Variants in GRID1 observed in about 807,000 individuals in gnomAD.
GRID1 encodes glutamate receptor ionotropic, delta-1.
Under a neutral mutation model 98.0 loss-of-function variants are expected in GRID1, and 28 were observed. That is an observed-to-expected ratio of 0.29 (90% CI 0.21 to 0.39). The LOEUF (loss-of-function observed/expected upper bound fraction) is 0.39. GRID1 is among the 10% of genes least tolerant of loss of function. The probability of loss-of-function intolerance (pLI) is 1.00; values close to 1 mark genes in which losing one functional copy is unlikely to be tolerated. For synonymous variants in GRID1, 553 were observed against 538.5 expected (o/e 1.03, Z -0.37); for missense variants, 1,111 against 1,340.5 (o/e 0.83, Z 2.67).
chr10:85,686,149 T>G (rs557675220), intron 12 of GRID1, among the ~76,000 whole-genome samples: 41 of 152,268 alleles, frequency 2.7e-4, no homozygotes, highest in African/African-American at 9.6e-4. Flanking sequence ...AAAAGTATTA[T>G]AGTGCACAGG....
At chr10:86,326,505 G>A (rs7076974) in intron 2 of GRID1, among the ~76,000 whole-genome samples, 25,000 of 152,160 alleles carry the variant, frequency 0.16, 2,155 homozygotes, top group South Asian at 0.23. Context: ...CTGAAAAATC[G>A]GAGGGAAACT....
chr10:86,119,586 C>A (rs908733719), intron 4 of GRID1, among the ~76,000 whole-genome samples: 3 of 152,068 alleles, frequency 2.0e-5, no homozygotes, highest in Non-Finnish European at 4.4e-5. Flanking sequence ...CTAAAATACT[C>A]CTCTAAAATG....
chr10:85,976,546 C>T (rs920461153), intron 4 of GRID1, among the ~76,000 whole-genome samples: 7 of 152,356 alleles, frequency 4.6e-5, no homozygotes, highest in African/African-American at 1.7e-4. Flanking sequence ...CAAGCCACTG[C>T]TTCCTTGTCT....
chr10:86,085,295 A>G, intron 4 of GRID1, among the ~76,000 whole-genome samples: 1 of 152,150 alleles, frequency 6.6e-6, no homozygotes, highest in East Asian at 1.9e-4. Context: ...GCCTGCCCAC[A>G]GGGGCTCTGC....
chr10:85,984,527 G>A (rs1842586298), intron 4 of GRID1, among the ~76,000 whole-genome samples: 1 of 152,182 alleles, frequency 6.6e-6, no homozygotes, highest in African/African-American at 2.4e-5. Flanking sequence ...GAATGGGCCT[G>A]TGTCCAGGAC....
At chr10:86,045,500 T>TAACAA in intron 4 of GRID1, among the ~76,000 whole-genome samples, 1 of 152,170 alleles carries the variant, frequency 6.6e-6, no homozygotes, top group South Asian at 2.1e-4. Context: ...ACGAGTCACG[T>TAACAA]CAGTCCTCAG....
At chr10:85,883,312 C>A (rs1231197886) in intron 5 of GRID1, among the ~76,000 whole-genome samples, 1 of 152,128 alleles carries the variant, frequency 6.6e-6, no homozygotes, top group Non-Finnish European at 1.5e-5. Context: ...ATTCCTTGCT[C>A]ATATTTTCCA....
At chr10:86,151,393 G>A (rs1845166960) in intron 3 of GRID1, among the ~76,000 whole-genome samples, 1 of 151,848 alleles carries the variant, frequency 6.6e-6, no homozygotes, top group Admixed American at 6.6e-5. Flanking sequence ...CTACTATAAA[G>A]GGCTCTGCTC....
chr10:85,688,236 A>G (rs1298929335), intron 12 of GRID1, among the ~76,000 whole-genome samples: 2 of 152,242 alleles, frequency 1.3e-5, no homozygotes, highest in Non-Finnish European at 2.9e-5. Context: ...AGGCTGTCAC[A>G]TCATTGCCTT....
chr10:85,705,790 T>A (rs1000164704), intron 12 of GRID1, among the ~76,000 whole-genome samples: 2 of 152,192 alleles, frequency 1.3e-5, no homozygotes, highest in East Asian at 3.9e-4. Context: ...ATCCCTGGGA[T>A]GCAAGGCTGG....
intron 4 of GRID1, among the ~76,000 whole-genome samples, chr10:86,050,861 AAAAC>A (rs1003608687): frequency 3.3e-5 from 5 of 151,716 alleles, no homozygotes; most frequent in South Asian, 2.1e-4. Context: ...CTCTAAAGGA[AAAAC>A]AAACAATCAC....
intron 4 of GRID1, among the ~76,000 whole-genome samples, chr10:85,977,159 C>T (rs1842483351): frequency 6.6e-6 from 1 of 152,202 alleles, no homozygotes; most frequent in African/African-American, 2.4e-5. Context: ...TAGTGTCTAC[C>T]TTATAGGGTT....
At chr10:86,044,380 C>T (rs1195868508) in intron 4 of GRID1, among the ~76,000 whole-genome samples, 1 of 152,180 alleles carries the variant, frequency 6.6e-6, no homozygotes, top group Non-Finnish European at 1.5e-5. Context: ...GTGACTTTAC[C>T]TCGGTTACAT....
chr10:86,327,382 C>T (rs1306385251), intron 2 of GRID1, among the ~76,000 whole-genome samples: 1 of 152,154 alleles, frequency 6.6e-6, no homozygotes, highest in Non-Finnish European at 1.5e-5. Context: ...CTGCCAGAGA[C>T]CCCACCATTG....
chr10:85,619,015 T>C (rs1842825568), intron 14 of GRID1, among the ~76,000 whole-genome samples: 1 of 152,248 alleles, frequency 6.6e-6, no homozygotes, highest in South Asian at 2.1e-4. Flanking sequence ...TCCATTCAGA[T>C]GCTTCTGCCT....
intron 4 of GRID1, among the ~76,000 whole-genome samples, chr10:86,054,819 T>G (rs1453349865): frequency 6.6e-6 from 1 of 152,228 alleles, no homozygotes; most frequent in Admixed American, 6.5e-5. Flanking sequence ...CTTGGCCATG[T>G]GACTTTGCAG....
chr10:86,107,898 G>A (rs939355727), intron 4 of GRID1, among the ~76,000 whole-genome samples: 6 of 152,132 alleles, frequency 3.9e-5, no homozygotes, highest in African/African-American at 1.4e-4. Flanking sequence ...TCCCCCATCT[G>A]CTGAGAGCCA....
At chr10:86,014,859 C>A (rs1444761492) in intron 4 of GRID1, among the ~76,000 whole-genome samples, 2 of 152,198 alleles carry the variant, frequency 1.3e-5, no homozygotes, top group Non-Finnish European at 2.9e-5. Context: ...TCTATTCGAG[C>A]CCCATTTCCA....
intron 12 of GRID1, among the ~76,000 whole-genome samples, chr10:85,650,780 A>G (rs887183723): frequency 6.6e-6 from 1 of 152,194 alleles, no homozygotes; most frequent in African/African-American, 2.4e-5. Context: ...AAGAGAAGAT[A>G]TTACCTGAGA....
Sources: allele counts gnomAD v4.1 joint callset (sites outside exome capture counted in the v4.1 genomes callset), GRCh38; gene constraint gnomAD v4.1.1; transcripts MANE v1.5; gene names NCBI Gene and HGNC (gene_info 2026-07-23, HGNC 2026-07-21).